The following MLIP variants were observed in gnomAD, a reference collection of about 807,000 sequenced individuals.
MLIP encodes the protein muscular LMNA interacting protein, also known as muscular LMNA-interacting protein.
In MLIP, 79 loss-of-function variants were observed where a neutral mutation model predicts 84.8. That is an observed-to-expected ratio of 0.93 (90% CI 0.78 to 1.12). The LOEUF is 1.12. Ranked by LOEUF, MLIP falls within the 50% of genes most tolerant of loss-of-function variation. The pLI is 0.00. For synonymous variants in MLIP, 504 were observed against 463.0 expected (o/e 1.09, Z -1.14); for missense variants, 1,257 against 1,160.6 (o/e 1.08, Z -1.21).
At position 54,237,924 on chromosome 6, in the gene MLIP, T is replaced by A. The variant is rs9474770; in HGVS notation, c.2922+7007T>A. Among the ~76,000 whole-genome samples the A allele has an allele frequency of 9.3e-4, 142 of 152,324 alleles. 1 individual carries two copies. The highest frequency in any genetic ancestry group is 3.4e-3 in the Middle Eastern group (1 of 294). On this transcript the variant is annotated intron_variant, in intron 12 of 13. Transcript: ENST00000502396. ...TTGATATATTATGCTTTGGACTATG[T>A]ATATTGCTGAAACAAGAAAGGGTAC...
intron 12 of MLIP, among the ~76,000 whole-genome samples, chr6:54,234,255 G>T (rs1038399488): frequency 7.9e-5 from 12 of 152,086 alleles, no homozygotes; most frequent in African/African-American, 2.7e-4. Flanking sequence ...TTTAGCCTCT[G>T]AATGCCTCCG....
At chr6:54,037,871 C>T (rs1360763471) in intron 1 of MLIP, among the ~76,000 whole-genome samples, 1 of 151,890 alleles carries the variant, frequency 6.6e-6, no homozygotes, top group Non-Finnish European at 1.5e-5. Flanking sequence ...TTGTCTTTGG[C>T]AATTTCTCCT....
chr6:54,183,542 A>G (rs912290093), intron 9 of MLIP, among the ~76,000 whole-genome samples: 2 of 151,950 alleles, frequency 1.3e-5, no homozygotes, highest in Non-Finnish European at 2.9e-5. Context: ...CTATTTGTAC[A>G]TATAAACTAT....
chr6:54,203,411 G>C (rs1778825056), intron 11 of MLIP, among the ~76,000 whole-genome samples: 1 of 151,644 alleles, frequency 6.6e-6, no homozygotes, highest in African/African-American at 2.4e-5. Flanking sequence ...AAGGTGTTAT[G>C]CTCTTTTTAA....
At chr6:54,112,981 A>C (rs2150410623) in intron 1 of MLIP, among the ~76,000 whole-genome samples, 1 of 152,330 alleles carries the variant, frequency 6.6e-6, no homozygotes, top group South Asian at 2.1e-4. Context: ...TAGATACTTA[A>C]GTAGCATTGA....
At chr6:54,022,697 T>G (rs1763563261) in intron 1 of MLIP, among the ~76,000 whole-genome samples, 1 of 152,154 alleles carries the variant, frequency 6.6e-6, no homozygotes, top group Non-Finnish European at 1.5e-5. Context: ...AATCATTTAT[T>G]ACTATAGTAA....
At chr6:54,039,973 C>T (rs1764652272) in intron 1 of MLIP, among the ~76,000 whole-genome samples, 1 of 151,952 alleles carries the variant, frequency 6.6e-6, no homozygotes, top group Non-Finnish European at 1.5e-5. Context: ...AAACCCAATG[C>T]ATTTGGCCTG....
chr6:54,252,499 T>C (rs1179916804), intron 12 of MLIP, among the ~76,000 whole-genome samples: 1 of 141,512 alleles, frequency 7.1e-6, no homozygotes, highest in East Asian at 2.0e-4. Flanking sequence ...ATAATATAAA[T>C]ATAATATATT....
intron 1 of MLIP, among the ~76,000 whole-genome samples, chr6:54,092,251 G>A (rs1767917521): frequency 6.6e-6 from 1 of 152,150 alleles, no homozygotes; most frequent in Non-Finnish European, 1.5e-5. Flanking sequence ...AAAGGGCTGA[G>A]TTCTTTTGGC....
chr6:54,251,636 T>C (rs1315267749), intron 12 of MLIP, among the ~76,000 whole-genome samples: 1 of 87,054 alleles, frequency 1.1e-5, no homozygotes, highest in Non-Finnish European at 2.1e-5. Context: ...CAAATATATA[T>C]ATTATAACAT....
In MLIP at chr6:54,027,830, T is replaced by G. The variant is rs114532683; in HGVS notation, c.63+8739T>G. ...ATAATGTAAGTCTGAGACTCACTGT[T>G]TGAATGGATCTTTTGATATAGCTCT... On this transcript the variant is annotated intron_variant, in intron 1 of 12. Transcript: ENST00000274897. 2.0e-3 allele frequency among the ~76,000 whole-genome samples: 300 copies of G among 152,306 alleles called. 2 individuals carry two copies. Among genetic ancestry groups the G allele is most frequent in the Non-Finnish European group, 3.4e-3 (233 of 68,020 alleles).
In MLIP at chr6:54,160,355, A is replaced by C; in HGVS notation, c.2290-12A>C. On this transcript the variant is annotated splice_polypyrimidine_tract_variant and intron_variant, in intron 5 of 13. Coordinates refer to ENST00000502396, the MANE Select transcript of MLIP (RefSeq NM_001281747.2). The stretch of plus-strand genomic sequence containing the variant: ...AGAAGCCTCATATAAGAACTATTTC[A>C]TTTGTCACTAGGCACTAGATGAACC... 5 of 1,610,056 alleles carry C rather than the reference A, an allele frequency of 3.1e-6. No homozygotes were observed. Among genetic ancestry groups the C allele is most frequent in the Non-Finnish European group, 4.2e-6 (5 of 1,177,344 alleles).
In MLIP at chr6:54,091,951, G is replaced by A. The variant is rs181612832; in HGVS notation, c.64-29496G>A. On this transcript the variant is annotated intron_variant, in intron 1 of 12. Transcript: ENST00000274897. ...CAACAAGATTGTCTCTAAACTAAGC[G>A]TGTGTTTCTGAATACCACTTCATGA... Among the ~76,000 whole-genome samples the A allele has an allele frequency of 5.4e-4, 82 of 152,216 alleles. 1 individual carries two copies. The highest frequency in any genetic ancestry group is 3.9e-3 in the South Asian group (19 of 4,820).
chr6:54,090,647 C>CTG (rs1007743856), intron 1 of MLIP, among the ~76,000 whole-genome samples: 65 of 127,516 alleles, frequency 5.1e-4, no homozygotes, highest in Middle Eastern at 4.0e-3. Context: ...AGTATTGTAT[C>CTG]TGTGTGTGTG....
In MLIP at chr6:54,124,502, T is replaced by A. The variant is rs1286444622; in HGVS notation, c.282T>A (p.Asn94Lys). 5 of 1,614,064 alleles carry A rather than the reference T, an allele frequency of 3.1e-6. No individual in the cohort carries two copies. Among genetic ancestry groups the A allele is most frequent in the Non-Finnish European group, 4.2e-6 (5 of 1,179,946 alleles). Residue 94 changes from asparagine to lysine, a missense_variant, in exon 3 of 14, where the codon AAT (asparagine) becomes AAA (lysine). Transcript: ENST00000502396. The part of the protein sequence containing the change: ...RSKSNDYLTL[N>K]AGSQQERDQA... Reference sequence around the variant, plus strand: ...AATCCAATGACTACTTGACCTTGAATGCTGGGAGCCAACAAGAGAGAGACC... The same window carrying A: ...AATCCAATGACTACTTGACCTTGAAAGCTGGGAGCCAACAAGAGAGAGACC...
chr6:54,210,719 T>G (rs1413267913), intron 11 of MLIP, among the ~76,000 whole-genome samples: 2 of 71,694 alleles, frequency 2.8e-5, no homozygotes, highest in African/African-American at 9.8e-5. Flanking sequence ...CAATAAAGAC[T>G]CCAACGGAGG....
In MLIP at chr6:54,255,297, C is replaced by T. The variant is rs543380834; in HGVS notation, c.2923-2011C>T. ...AGTTTTGGGCCTTGAACAAGTTATT[C>T]TACCTCTCAGTGCTTTAGTTTCCTC... On this transcript the variant is annotated intron_variant, in intron 12 of 13. Coordinates refer to ENST00000502396, the MANE Select transcript of MLIP (RefSeq NM_001281747.2). 4.6e-5 allele frequency among the ~76,000 whole-genome samples: 7 copies of T among 152,322 alleles called. No homozygotes were observed. In the East Asian group the frequency reaches 7.7e-4, roughly 17 times the overall value.
chr6:54,196,232 C>G (rs181181823), intron 10 of MLIP, among the ~76,000 whole-genome samples: 2 of 152,212 alleles, frequency 1.3e-5, no homozygotes, highest in African/African-American at 4.8e-5. Context: ...GCATGACGTG[C>G]AGGTTTGTTA....
In MLIP at chr6:54,137,128, T is replaced by G; in HGVS notation, c.1059T>G (p.Ser353Arg). 6.5e-7 allele frequency: 1 copy of G among 1,536,114 alleles called. No homozygotes were observed. Among genetic ancestry groups the G allele is most frequent in the East Asian group, 2.4e-5 (1 of 40,922 alleles). Reference sequence around the variant, plus strand: ...CCTCTTCTTCTCCACCGTCCTCCAGTGCTTCTCTGAAGTCGAATTCGGCCT... The same window carrying G: ...CCTCTTCTTCTCCACCGTCCTCCAGGGCTTCTCTGAAGTCGAATTCGGCCT... ...PRTSSSPPSS[S>R]ASLKSNSASY... Residue 353 changes from serine to arginine, a missense_variant, in exon 4 of 14, where the codon AGT (serine) becomes AGG (arginine). Physicochemically the swap from Ser to Arg is moderately radical, Grantham distance 110. Coordinates refer to ENST00000502396, the MANE Select transcript of MLIP (RefSeq NM_001281747.2).
Sources: gnomAD v4.1 joint callset for allele counts (sites outside exome capture counted in the v4.1 genomes callset) on GRCh38, gnomAD v4.1.1 for gene constraint, MANE v1.5 for transcripts, NCBI Gene and HGNC (gene_info 2026-07-23, HGNC 2026-07-21) for gene names.